Variants in DNAJC17 observed in about 807,000 individuals in gnomAD.
DNAJC17 encodes DnaJ heat shock protein family (Hsp40) member C17.
Under a neutral mutation model 48.1 loss-of-function variants are expected in DNAJC17, and 35 were observed. The observed-to-expected ratio is 0.73, with a 90% CI of 0.56 to 0.96. The LOEUF (loss-of-function observed/expected upper bound fraction) is 0.96. DNAJC17 is among the 50% of genes least tolerant of loss of function. The pLI, the probability that DNAJC17 is intolerant of heterozygous loss-of-function variation, is 0.00. For synonymous variants in DNAJC17, 117 were observed against 142.7 expected, an observed-to-expected ratio of 0.82 and a Z score of 1.28; for missense variants, 355 against 377.1, an observed-to-expected ratio of 0.94 and a Z score of 0.48.
chr15:40,791,044 T>TA (rs201993377), intron 1 of DNAJC17, among the ~76,000 whole-genome samples: 18 of 150,208 alleles, frequency 1.2e-4, no homozygotes, highest in East Asian at 3.9e-4. Flanking sequence ...TTAAAATAAA[T>TA]AAAAAAAAAT....
Position 40,775,551 on chromosome 15 carries a change from A to G in DNAJC17, c.522+2T>C. ...TGGCCCACAGATCCTGCCCAGGCTC[A>G]CCTTTAGTTTGGGGGTTCCTTGGCC... On this transcript the variant is annotated splice_donor_variant, in intron 7 of 10. Transcript: ENST00000220496. LOFTEE classifies it high-confidence loss of function. 6.2e-7 allele frequency: 1 copy of G among 1,613,818 alleles called. No individual in the cohort carries two copies. The highest frequency in any genetic ancestry group is 8.5e-7 in the Non-Finnish European group (1 of 1,179,992).
chr15:40,779,427 C>A, intron 3 of DNAJC17, 117 bp from the exon 4 acceptor site: 1 of 1,555,914 alleles, frequency 6.4e-7, no homozygotes, highest in South Asian at 1.1e-5. Flanking sequence ...GTGACTGGGT[C>A]TCCTGGGCTT....
intron 1 of DNAJC17, among the ~76,000 whole-genome samples, chr15:40,801,535 T>A (rs1015197484): frequency 6.6e-6 from 1 of 151,984 alleles, no homozygotes; most frequent in East Asian, 1.9e-4. Context: ...GGTGGGCGGA[T>A]CACGAGGTCA....
At position 40,770,709 on chromosome 15, in the gene DNAJC17, C is replaced by G. The variant is rs1230989179; in HGVS notation, c.793-2647G>C. The G allele has an allele frequency of 6.5e-7, 1 of 1,546,734 alleles. No individual in the cohort carries two copies. The highest frequency in any genetic ancestry group is 8.7e-7 in the Non-Finnish European group (1 of 1,146,922). The stretch of plus-strand genomic sequence containing the variant: ...CCTGCCACTGTGGGGGGACGAGCAG[C>G]CCCGGGCCACCCTGCTGGCCCCACC... On this transcript the variant is annotated intron_variant, in intron 10 of 10. Coordinates refer to ENST00000220496, the MANE Select transcript of DNAJC17 (RefSeq NM_018163.3). This position sits in a 1 kb window ranked among gnomAD's most constrained non-coding sequence, Gnocchi z 5.0.
chr15:40,802,358 T>G (rs1033204496), intron 1 of DNAJC17, among the ~76,000 whole-genome samples: 1 of 151,938 alleles, frequency 6.6e-6, no homozygotes, highest in African/African-American at 2.4e-5. Flanking sequence ...TTAGTAGAGA[T>G]AGGATTTCAC....
chr15:40,774,405 C>A lies in DNAJC17; in HGVS notation c.632G>T (p.Ser211Ile). ...CACCACAGCAGTGCCTGGCTTCTTACTGGAAAGCACCAGGTTGAGAACCTC... is the reference window on the plus strand; with the variant it reads ...CACCACAGCAGTGCCTGGCTTCTTAATGGAAAGCACCAGGTTGAGAACCTC... ...YGEVLNLVLSSKKPGTAVVEF... is the reference protein window; with the variant it reads ...YGEVLNLVLSIKKPGTAVVEF... Residue 211 changes from serine (S) to isoleucine (I), a missense_variant, in exon 9 of 11, where the codon AGT becomes ATT. By Grantham distance (142) the Ser-to-Ile change is moderately radical. This residue lies in a region of DNAJC17 where 68 missense variants were observed against 109.5 expected (regional missense o/e 0.62). Transcript: ENST00000220496. The A allele has an allele frequency of 6.2e-7, 1 of 1,614,106 alleles. No homozygotes were observed. The highest frequency in any genetic ancestry group is 1.7e-5 in the Admixed American group (1 of 60,032).
At position 40,768,303 on chromosome 15, in the gene DNAJC17, C is replaced by T. The variant is rs576488587; in HGVS notation, c.793-241G>A. ...CAGCTCCCCCTCCCTTTCCCCAGGCCGCGTCAGCTCCGGTCCATCTGTTTC... is the reference window on the plus strand; with the variant it reads ...CAGCTCCCCCTCCCTTTCCCCAGGCTGCGTCAGCTCCGGTCCATCTGTTTC... On this transcript the variant is annotated intron_variant, in intron 10 of 10. Transcript: ENST00000220496. Among the ~76,000 whole-genome samples the T allele has an allele frequency of 1.4e-3, 210 of 152,314 alleles. 3 individuals carry two copies. Among genetic ancestry groups the T allele is most frequent in the African/African-American group, 4.8e-3 (198 of 41,568 alleles).
rs1055529608 is a variant in DNAJC17 at position 40,774,451 on chromosome 15, G to C, written c.601-15C>G. The C allele has an allele frequency of 3.1e-6, 5 of 1,613,664 alleles. No individual in the cohort carries two copies. The Admixed American group carries it at 6.7e-5, about 22-fold the overall frequency. ...ACCTCACCATACTGTGGGGACAAAG[G>C]GGTCCTAATAAGCATGACTTGGCCT... is the stretch of plus-strand genomic sequence containing the variant. On this transcript the variant is annotated splice_polypyrimidine_tract_variant and intron_variant, in intron 8 of 10. Transcript: ENST00000220496.
Position 40,770,411 on chromosome 15 carries a change from C to A in DNAJC17, c.793-2349G>T. On this transcript the variant is annotated intron_variant, in intron 10 of 10. Coordinates refer to ENST00000220496, the MANE Select transcript of DNAJC17 (RefSeq NM_018163.3). The surrounding 1 kb of genome is among the most constrained non-coding windows in gnomAD (Gnocchi z 5.0). ...GCCTCTGCTCCTAGGGGAGCCTCCC[C>A]AGCTGCTGGCACTCACTGCCCCAGC... is the stretch of plus-strand genomic sequence containing the variant. 1 of 1,368,442 alleles carries A rather than the reference C, an allele frequency of 7.3e-7. No homozygotes were observed. The highest frequency in any genetic ancestry group is 9.8e-7 in the Non-Finnish European group (1 of 1,022,456). The allele number at this position is 1,368,442 out of a possible 1,614,324, so 84.8% of individuals were successfully genotyped here.
chr15:40,770,182 G>C lies in DNAJC17; in HGVS notation c.793-2120C>G, dbSNP rs1889088514. ...CTCCGCCGGAGCTGCCCTCATTCTG[G>C]CTCCAGTAAGTGCTGCTTCTTCCTC... On this transcript the variant is annotated intron_variant, in intron 10 of 10. Transcript: ENST00000220496. The surrounding 1 kb of genome is among the most constrained non-coding windows in gnomAD (Gnocchi z 5.0). 1 of 290,320 alleles carries C rather than the reference G, an allele frequency of 3.4e-6. No homozygotes were observed. The highest frequency in any genetic ancestry group is 4.7e-5 in the Admixed American group (1 of 21,416). The allele number at this position is 290,320 out of a possible 1,614,324, so 18.0% of individuals were successfully genotyped here. A position where few individuals can be genotyped will look rare whatever the true frequency, so the allele number is the denominator to read the frequency against.
chr15:40,779,292 T>A lies in DNAJC17; in HGVS notation c.226A>T (p.Arg76Trp). The A allele has an allele frequency of 1.2e-6, 2 of 1,614,094 alleles. No homozygotes were observed. Among genetic ancestry groups the A allele is most frequent in the Non-Finnish European group, 1.7e-6 (2 of 1,180,022 alleles). ...AAARAAYDKV[R>W]KAKKQAAERT... ...TCTGCTGCTTGCTTCTTGGCTTTCC[T>A]GACCTTGTCATATGCAGCCTGGCAG... is the stretch of plus-strand genomic sequence containing the variant. The change falls in exon 4 of 11, where the codon AGG becomes TGG. Residue 76 changes from arginine (R) to tryptophan (W), a missense_variant. By Grantham distance (101) the Arg-to-Trp change is moderately radical. Transcript: ENST00000220496.
At position 40,767,886 on chromosome 15, in the gene DNAJC17, A is replaced by AT. The variant is rs1312653831; in HGVS notation, c.*53dup. ...AGGTAAAATCTTAAAAAAAAAAAAA[A>AT]TTTATTGGTGACGTTGAAGAAAAGG... On this transcript the variant is annotated 3_prime_UTR_variant, in exon 11 of 11. Transcript: ENST00000220496. 2.5e-4 allele frequency: 401 copies of AT among 1,580,962 alleles called. No individual in the cohort carries two copies. The highest frequency in any genetic ancestry group is 3.6e-4 in the Middle Eastern group (2 of 5,608).
At chr15:40,794,918 C>G (rs1889909256) in intron 1 of DNAJC17, among the ~76,000 whole-genome samples, 2 of 151,946 alleles carry the variant, frequency 1.3e-5, no homozygotes, top group South Asian at 2.1e-4. Context: ...GGGGTTTCGT[C>G]GTGTTGGCCA....
intron 1 of DNAJC17, among the ~76,000 whole-genome samples, chr15:40,785,333 T>C (rs538815733): frequency 1.3e-5 from 2 of 152,320 alleles, no homozygotes; most frequent in East Asian, 3.9e-4. Flanking sequence ...TCCACAATTC[T>C]AAGCTAGGAG....
chr15:40,805,478 C>G (rs982512678), intron 1 of DNAJC17, among the ~76,000 whole-genome samples: 1 of 151,430 alleles, frequency 6.6e-6, no homozygotes, highest in Non-Finnish European at 1.5e-5. Context: ...ACCTGGGAGG[C>G]AGAAGTTGCA....
intron 1 of DNAJC17, among the ~76,000 whole-genome samples, chr15:40,781,562 T>A (rs1257441704): frequency 4.0e-5 from 6 of 149,184 alleles, no homozygotes; most frequent in South Asian, 2.2e-4. Flanking sequence ...CTTATTAAAA[T>A]TTTTTTTAAA....
chr15:40,807,034 T>A, intron 1 of DNAJC17: 1 of 567,414 alleles, frequency 1.8e-6, no homozygotes, highest in Admixed American at 3.2e-5. Context: ...CTTGTCACAG[T>A]CAAGGCAGAA....
intron 1 of DNAJC17, among the ~76,000 whole-genome samples, chr15:40,794,126 C>T (rs928644633): frequency 2.9e-4 from 42 of 146,178 alleles, no homozygotes; most frequent in Admixed American, 8.8e-4. Context: ...CCGAGGCGGG[C>T]GGATCACAAG....
At chr15:40,800,459 G>A (rs1392753428) in intron 1 of DNAJC17, among the ~76,000 whole-genome samples, 2 of 151,612 alleles carry the variant, frequency 1.3e-5, no homozygotes, top group African/African-American at 2.4e-5. Context: ...CATCTTTGGG[G>A]AAATGTCTAT....
Sources: allele counts gnomAD v4.1 joint callset (sites outside exome capture counted in the v4.1 genomes callset), GRCh38; gene constraint gnomAD v4.1.1; regional missense constraint gnomAD v4.1.1; non-coding constraint Gnocchi (gnomAD v3.1); transcripts MANE v1.5; gene names NCBI Gene and HGNC (gene_info 2026-07-23, HGNC 2026-07-21).